The following NLRP5 variants were observed in gnomAD, a reference collection of about 807,000 sequenced individuals.
NLRP5 encodes NACHT, LRR and PYD domains-containing protein 5.
NLRP5 carries 93 observed loss-of-function variants against 113.1 expected under a neutral mutation model. The observed-to-expected ratio is 0.82, with a 90% CI of 0.70 to 0.98. NLRP5 has a LOEUF of 0.98. Among genes scored for constraint, NLRP5 ranks in the 50% least tolerant of loss-of-function variants. NLRP5 has a pLI of 0.00. For missense variants in NLRP5, 1,808 were observed against 1,514.3 expected, an observed-to-expected ratio of 1.19 and a Z score of -3.22; for synonymous variants, 751 against 600.7, an observed-to-expected ratio of 1.25 and a Z score of -3.66.
chr19:56,058,405 A>C lies in NLRP5; in HGVS notation c.3465A>C (p.Ile1155=). 6.2e-7 allele frequency: 1 copy of C among 1,611,842 alleles called. No homozygotes were observed. The highest frequency in any genetic ancestry group is 8.5e-7 in the Non-Finnish European group (1 of 1,178,762). ...CCTGTCCCACGTCTAACTTACAGAT[A>C]ATTGGGTAAGTCGCCAGCAATTGTC... Residue 1155 remains isoleucine, a synonymous_variant, in exon 14 of 15, where the codon ATA becomes ATC. Coordinates refer to ENST00000390649, the MANE Select transcript of NLRP5 (RefSeq NM_153447.4).
chr19:56,034,151 G>T (rs1983227108), intron 9 of NLRP5, among the ~76,000 whole-genome samples: 1 of 152,176 alleles, frequency 6.6e-6, no homozygotes, highest in Non-Finnish European at 1.5e-5. Flanking sequence ...CACTTTGGGA[G>T]GCCGAGGCAG....
At chr19:56,021,609 T>C (rs1982620426) in intron 6 of NLRP5, among the ~76,000 whole-genome samples, 2 of 152,226 alleles carry the variant, frequency 1.3e-5, no homozygotes, top group African/African-American at 4.8e-5. Flanking sequence ...ATGTTTCACT[T>C]GGCATAAAGT....
At chr19:55,996,277 T>C (rs1981320841), upstream of NLRP5, among the ~76,000 whole-genome samples, 2 of 152,208 alleles carry the variant, frequency 1.3e-5, no homozygotes, top group African/African-American at 4.8e-5. Context: ...GGGTTTGTCA[T>C]ACATGGCCTT....
At chr19:56,017,417 G>A (rs947347589) in intron 4 of NLRP5, among the ~76,000 whole-genome samples, 1 of 151,982 alleles carries the variant, frequency 6.6e-6, no homozygotes, top group African/African-American at 2.4e-5. Context: ...GGCATTTATG[G>A]CTATAAATTT....
At position 56,026,778 on chromosome 19, in the gene NLRP5, A is replaced by G. The variant is rs1273401668; in HGVS notation, c.680-135A>G. The G allele has an allele frequency of 7.0e-6, 6 of 858,258 alleles. No individual in the cohort carries two copies. In the East Asian group the frequency reaches 1.3e-4, roughly 19 times the overall value. 53.2% of individuals were successfully genotyped at this position (858,258 alleles called of 1,614,324 possible). ...TATTTATTAGAGACGGGGCTTTGCC[A>G]TTGACCAGGCTGGTCTCAAACTCCT... is the stretch of plus-strand genomic sequence containing the variant. On this transcript the variant is annotated intron_variant, in intron 6 of 14. Transcript: ENST00000390649.
Position 56,040,934 on chromosome 19 carries a change from T to C in NLRP5, c.2799T>C (p.Cys933=). 2 of 1,613,886 alleles carry C rather than the reference T, an allele frequency of 1.2e-6. No homozygotes were observed. The highest frequency in any genetic ancestry group is 1.6e-4 in the Middle Eastern group (1 of 6,062). ...TCTCTTCTTGCAGACTGGAGGACTG[T>C]GGCATCACAGCCACGGGTTGCCAGA... is the stretch of plus-strand genomic sequence containing the variant. Residue 933 remains cysteine, a synonymous_variant, in exon 11 of 15, where the codon TGT becomes TGC. Coordinates refer to ENST00000390649, the MANE Select transcript of NLRP5 (RefSeq NM_153447.4).
In NLRP5 at chr19:56,028,009, C is replaced by T. The variant is rs768513087; in HGVS notation, c.1776C>T (p.Ala592=). 85 of 1,613,886 alleles carry T rather than the reference C, an allele frequency of 5.3e-5. No individual in the cohort carries two copies. The highest frequency in any genetic ancestry group is 5.9e-5 in the Non-Finnish European group (70 of 1,179,884). The change falls in exon 7 of 15, where the codon GCC becomes GCT. Residue 592 remains alanine, a synonymous_variant. Transcript: ENST00000390649. ...ACCTCAGTCTCCAGGACTTCTGTGCCGCCTTGTACTACGTGTTAGAGGGCC... is the reference window on the plus strand; with the variant it reads ...ACCTCAGTCTCCAGGACTTCTGTGCTGCCTTGTACTACGTGTTAGAGGGCC...
At chr19:56,059,408 G>A (rs1031599171) in intron 14 of NLRP5, among the ~76,000 whole-genome samples, 1 of 152,210 alleles carries the variant, frequency 6.6e-6, no homozygotes, top group African/African-American at 2.4e-5. Flanking sequence ...TAGACTAACA[G>A]GAGTTCAGAG....
At chr19:56,012,124 G>A (rs143358026) in intron 3 of NLRP5, among the ~76,000 whole-genome samples, 44 of 151,960 alleles carry the variant, frequency 2.9e-4, no homozygotes, top group Non-Finnish European at 5.4e-4. Flanking sequence ...CACAAGGAAA[G>A]GTGTTCTTCC....
At chr19:56,041,688 C>T (rs1446713808) in intron 11 of NLRP5, among the ~76,000 whole-genome samples, 2 of 152,152 alleles carry the variant, frequency 1.3e-5, no homozygotes, top group Non-Finnish European at 2.9e-5. Context: ...TGGCTCACAC[C>T]TGTAACCCCA....
chr19:56,038,879 C>T (rs1235427986), intron 10 of NLRP5, among the ~76,000 whole-genome samples: 1 of 152,148 alleles, frequency 6.6e-6, no homozygotes, highest in Non-Finnish European at 1.5e-5. Flanking sequence ...TGGTAAGATC[C>T]TAGCTCACTA....
chr19:56,005,500 G>A (rs1455927866), intron 2 of NLRP5, among the ~76,000 whole-genome samples: 1 of 144,016 alleles, frequency 6.9e-6, no homozygotes, highest in African/African-American at 2.6e-5. Flanking sequence ...CAGGTGGCAT[G>A]CCTGTACACA....
In NLRP5 at chr19:56,033,724, G is replaced by A. The variant is rs1333362864; in HGVS notation, c.2615+15G>A. On this transcript the variant is annotated intron_variant, in intron 9 of 14. Transcript: ENST00000390649. ...GAGTCTTTGAGGTACGTCTCTGGTA[G>A]AGCTTTTGCCTTGTTTTTCTTCGTT... The A allele has an allele frequency of 5.0e-6, 8 of 1,591,564 alleles. No individual in the cohort carries two copies. Among genetic ancestry groups the A allele is most frequent in the Non-Finnish European group, 6.8e-6 (8 of 1,169,254 alleles).
intron 1 of NLRP5, among the ~76,000 whole-genome samples, chr19:56,002,512 C>A (rs141911806): frequency 0.079 from 11,708 of 148,288 alleles, 614 homozygotes; most frequent in African/African-American, 0.14. Flanking sequence ...ATATGCACAA[C>A]GTGCAGGTTT....
chr19:56,001,303 C>T (rs1981637765), intron 1 of NLRP5, among the ~76,000 whole-genome samples: 1 of 135,912 alleles, frequency 7.4e-6, no homozygotes, highest in African/African-American at 2.7e-5. Context: ...CCAGCCTGGG[C>T]AACAGCAAGA....
chr19:56,001,335 ACAAAC>A (rs1568479853), intron 1 of NLRP5, among the ~76,000 whole-genome samples: 4 of 97,582 alleles, frequency 4.1e-5, no homozygotes, highest in East Asian at 2.9e-4. Flanking sequence ...AAAAAAAAAA[ACAAAC>A]AAAAAACACC....
At chr19:56,002,504 A>G (rs145094900) in intron 1 of NLRP5, among the ~76,000 whole-genome samples, 11,780 of 148,268 alleles carry the variant, frequency 0.079, 620 homozygotes, top group African/African-American at 0.14. Flanking sequence ...TAGGGTACAT[A>G]TGCACAACGT....
At chr19:55,988,243 C>CA in the NLRP5 span, 6 of 155,578 alleles carry the variant, frequency 3.9e-5, no homozygotes, top group South Asian at 1.0e-3. Flanking sequence ...AAAAAAAATA[C>CA]AAAAAATTAG....
At chr19:55,991,709 A>G in the NLRP5 span, among the ~76,000 whole-genome samples, 1 of 152,208 alleles carries the variant, frequency 6.6e-6, no homozygotes, top group East Asian at 1.9e-4. Context: ...ATACCTACAT[A>G]CAGATGTTAA....
Sources: allele counts gnomAD v4.1 joint callset (sites outside exome capture counted in the v4.1 genomes callset), GRCh38; gene constraint gnomAD v4.1.1; transcripts MANE v1.5; gene names NCBI Gene and HGNC (gene_info 2026-07-23, HGNC 2026-07-21).